Variants in SUMF1 observed in about 807,000 individuals in gnomAD.
SUMF1 encodes the protein sulfatase modifying factor 1.
In SUMF1, 48 loss-of-function variants were observed where a neutral mutation model predicts 47.6. The observed-to-expected ratio is 1.01, with a 90% CI of 0.80 to 1.28. SUMF1 has a LOEUF of 1.28. Among genes scored for constraint, SUMF1 ranks in the 50% most tolerant of loss-of-function variants. The pLI is 0.00. For synonymous variants in SUMF1, 230 were observed against 192.1 expected (o/e 1.20, Z -1.63); for missense variants, 571 against 485.4 (o/e 1.18, Z -1.66).
At chr3:4,246,675 C>T (rs1696678380) in intron 8 of SUMF1, among the ~76,000 whole-genome samples, 2 of 152,194 alleles carry the variant, frequency 1.3e-5, no homozygotes, top group South Asian at 4.1e-4. Context: ...GCTGGGATTA[C>T]AGGCGTGAGC....
chr3:4,429,509 G>A lies in SUMF1; in HGVS notation c.520-9363C>T, dbSNP rs540271125. Among the ~76,000 whole-genome samples, 7 of 152,284 alleles carry A rather than the reference G, an allele frequency of 4.6e-5. 1 individual carries two copies. Among genetic ancestry groups the A allele is most frequent in the Admixed American group, 4.6e-4 (7 of 15,304 alleles). ...ACAGAACATAGAAAAGGCATTTTAA[G>A]AACAGGAAATTCTCCCACACACGTT... On this transcript the variant is annotated intron_variant, in intron 3 of 8. Coordinates refer to ENST00000272902, the MANE Select transcript of SUMF1 (RefSeq NM_182760.4).
chr3:4,077,157 C>G (rs1692457106), intron 8 of SUMF1, among the ~76,000 whole-genome samples: 1 of 152,118 alleles, frequency 6.6e-6, no homozygotes, highest in African/African-American at 2.4e-5. Flanking sequence ...CAGGAAACAA[C>G]AGACGCTGGA....
chr3:4,400,605 C>T (rs373760836), intron 7 of SUMF1, among the ~76,000 whole-genome samples: 4 of 152,194 alleles, frequency 2.6e-5, no homozygotes, highest in African/African-American at 9.7e-5. Flanking sequence ...AACCAAGAGG[C>T]GCTTAGAAAC....
chr3:4,135,975 AG>A (rs1259049682), intron 8 of SUMF1, among the ~76,000 whole-genome samples: 6 of 152,088 alleles, frequency 3.9e-5, no homozygotes, highest in Middle Eastern at 3.2e-3. Context: ...GAAATAAAAG[AG>A]GATACAAACA....
intron 8 of SUMF1, among the ~76,000 whole-genome samples, chr3:4,150,318 T>A (rs1694289446): frequency 6.6e-6 from 1 of 151,490 alleles, no homozygotes; most frequent in African/African-American, 2.4e-5. Context: ...TCCCAGCACT[T>A]TGGGAGGCCG....
At chr3:4,160,631 A>G (rs1694554361) in intron 8 of SUMF1, among the ~76,000 whole-genome samples, 1 of 151,992 alleles carries the variant, frequency 6.6e-6, no homozygotes, top group Non-Finnish European at 1.5e-5. Flanking sequence ...TCAGTATGTC[A>G]ATTGCATTTT....
At position 4,151,086 on chromosome 3, in the gene SUMF1, G is replaced by A. The variant is rs116461956; in HGVS notation, c.1015-82341C>T. Among the ~76,000 whole-genome samples, 1,398 of 151,314 alleles carry A rather than the reference G, an allele frequency of 9.2e-3. 68 individuals carry two copies. Among genetic ancestry groups the A allele is most frequent in the African/African-American group, 0.032 (1,311 of 40,764 alleles). ...GGTGGGGGCCTCATCTTTTAGAATC[G>A]CTGTTCTCAAGAAACAGTGTAGCAC... On this transcript the variant is annotated intron_variant and NMD_transcript_variant, in intron 8 of 12. Coordinates refer to the SUMF1 transcript ENST00000448413.
At chr3:4,366,648 G>T (rs550498980) in intron 8 of SUMF1, among the ~76,000 whole-genome samples, 31 of 151,940 alleles carry the variant, frequency 2.0e-4, no homozygotes, top group Admixed American at 3.9e-4. Flanking sequence ...TAACTTCTTT[G>T]CCTTTGGTTT....
chr3:4,432,416 T>C (rs1320686411), intron 3 of SUMF1, among the ~76,000 whole-genome samples: 2 of 152,080 alleles, frequency 1.3e-5, no homozygotes, highest in East Asian at 1.9e-4. Context: ...GTTAATTAGA[T>C]CCAATGGCTT....
chr3:4,059,133 C>T (rs919887168), intron 9 of SUMF1, among the ~76,000 whole-genome samples: 5 of 151,904 alleles, frequency 3.3e-5, no homozygotes, highest in East Asian at 1.9e-4. Context: ...TAGAAAAATC[C>T]CACCAATATA....
intron 8 of SUMF1, among the ~76,000 whole-genome samples, chr3:4,298,665 A>C (rs1697906715): frequency 6.6e-6 from 1 of 152,180 alleles, no homozygotes; most frequent in Admixed American, 6.5e-5. Flanking sequence ...CACATTCTGT[A>C]AGTATATAGT....
chr3:4,165,869 C>A (rs964791013), intron 8 of SUMF1, among the ~76,000 whole-genome samples: 19 of 146,152 alleles, frequency 1.3e-4, no homozygotes, highest in African/African-American at 3.0e-4. Context: ...GTTTCCCCCC[C>A]CCCCCCGAGC....
intron 8 of SUMF1, among the ~76,000 whole-genome samples, chr3:4,136,818 A>C (rs1693944412): frequency 6.6e-6 from 1 of 151,988 alleles, no homozygotes; most frequent in Non-Finnish European, 1.5e-5. Flanking sequence ...AAAGGATATG[A>C]ACAGACACTT....
downstream of SUMF1, among the ~76,000 whole-genome samples, chr3:4,360,410 C>A (rs1273142288): frequency 4.0e-5 from 6 of 151,860 alleles, no homozygotes; most frequent in South Asian, 2.1e-4. Flanking sequence ...TCACTGCAAC[C>A]TCCGCCTTCC....
chr3:4,456,743 C>CATATAT (rs369822808), intron 1 of SUMF1, among the ~76,000 whole-genome samples: 9 of 13,888 alleles, frequency 6.5e-4, no homozygotes, highest in African/African-American at 3.2e-3. Flanking sequence ...TATATATACA[C>CATATAT]ACATATATAC....
At chr3:4,108,949 G>A (rs1693223509) in intron 8 of SUMF1, among the ~76,000 whole-genome samples, 1 of 152,054 alleles carries the variant, frequency 6.6e-6, no homozygotes, top group African/African-American at 2.4e-5. Flanking sequence ...TGTTATGTGT[G>A]AATTTGATCC....
intron 7 of SUMF1, among the ~76,000 whole-genome samples, chr3:4,408,730 G>C (rs375028266): frequency 2.0e-5 from 3 of 152,154 alleles, no homozygotes; most frequent in Non-Finnish European, 2.9e-5. Context: ...CAGAACTTTG[G>C]GGGGACAAGG....
intron 8 of SUMF1, among the ~76,000 whole-genome samples, chr3:4,161,822 G>T (rs1694583905): frequency 6.6e-6 from 1 of 152,048 alleles, no homozygotes; most frequent in Non-Finnish European, 1.5e-5. Flanking sequence ...CACCTGGGTT[G>T]CAGGACAAAG....
At chr3:4,150,211 A>G (rs920530134) in intron 8 of SUMF1, among the ~76,000 whole-genome samples, 2 of 151,780 alleles carry the variant, frequency 1.3e-5, no homozygotes, top group African/African-American at 4.9e-5. Flanking sequence ...GTCTTGCCTC[A>G]GCCTCCCAAG....
Sources: gnomAD v4.1 joint callset for allele counts (sites outside exome capture counted in the v4.1 genomes callset) on GRCh38, gnomAD v4.1.1 for gene constraint, MANE v1.5 for transcripts, NCBI Gene and HGNC (gene_info 2026-07-23, HGNC 2026-07-21) for gene names.